Variants in LUZP2 observed in about 807,000 individuals in gnomAD.
LUZP2 encodes the protein leucine zipper protein 2.
A neutral mutation model predicts 51.6 loss-of-function variants in LUZP2; 52 were observed. The ratio of observed to expected loss-of-function variants is 1.01; its 90% CI spans 0.81 to 1.27. LUZP2 has a LOEUF of 1.27. Among genes scored for constraint, LUZP2 ranks in the 50% most tolerant of loss-of-function variants. The probability of loss-of-function intolerance (pLI) is 0.00; values close to 1 mark genes in which losing one functional copy is unlikely to be tolerated. For synonymous variants in LUZP2, 154 were observed against 137.3 expected (o/e 1.12, Z -0.85); for missense variants, 436 against 395.4 (o/e 1.10, Z -0.87).
At chr11:24,712,225 A>G (rs1857854972) in intron 1 of LUZP2, among the ~76,000 whole-genome samples, 1 of 152,050 alleles carries the variant, frequency 6.6e-6, no homozygotes, top group African/African-American at 2.4e-5. Context: ...GTTCAAGACA[A>G]GCTTGGGCAA....
chr11:24,779,461 A>G (rs949198001), intron 5 of LUZP2, among the ~76,000 whole-genome samples: 7 of 152,194 alleles, frequency 4.6e-5, no homozygotes, highest in African/African-American at 1.7e-4. Context: ...AGAAACATCA[A>G]TACTGACCAC....
chr11:24,992,259 A>G (rs1856371545), intron 9 of LUZP2, among the ~76,000 whole-genome samples: 1 of 152,070 alleles, frequency 6.6e-6, no homozygotes, highest in Non-Finnish European at 1.5e-5. Flanking sequence ...GAATACTTAA[A>G]TTGAACTACT....
rs150530185 is a variant in LUZP2, at chr11:24,526,661, T to C, written c.62+29356T>C. 2.0e-3 allele frequency among the ~76,000 whole-genome samples: 297 copies of C among 151,516 alleles called. 2 individuals carry two copies. The highest frequency in any genetic ancestry group is 6.6e-3 in the African/African-American group (274 of 41,474). On this transcript the variant is annotated intron_variant, in intron 1 of 11. Transcript: ENST00000336930. ...TGTAATATGTGCTAGTGCTTGACAG[T>C]TACTATAATATATTAAATGCTCACG...
At chr11:25,035,295 A>ACTT (rs1428638298) in intron 9 of LUZP2, among the ~76,000 whole-genome samples, 1 of 152,112 alleles carries the variant, frequency 6.6e-6, no homozygotes, top group African/African-American at 2.4e-5. Context: ...TCATAAAAAA[A>ACTT]ACTTCCAAAA....
intron 1 of LUZP2, among the ~76,000 whole-genome samples, chr11:24,526,079 C>A (rs771126686): frequency 7.3e-5 from 11 of 151,188 alleles, no homozygotes; most frequent in Non-Finnish European, 1.6e-4. Context: ...TTTGTTCATT[C>A]ATTCTTTCTT....
At chr11:24,962,376 A>T (rs1301022023) in intron 7 of LUZP2, among the ~76,000 whole-genome samples, 1 of 152,124 alleles carries the variant, frequency 6.6e-6, no homozygotes, top group Non-Finnish European at 1.5e-5. Context: ...ACTTGGTTCC[A>T]TTCTCCCCAT....
chr11:24,898,952 A>AC (rs1193773316), intron 5 of LUZP2, among the ~76,000 whole-genome samples: 1 of 151,580 alleles, frequency 6.6e-6, no homozygotes, highest in African/African-American at 2.4e-5. Flanking sequence ...AAACAAACAA[A>AC]AGATTCTTTT....
At chr11:24,621,168 A>G (rs1016462637) in intron 1 of LUZP2, among the ~76,000 whole-genome samples, 3 of 152,244 alleles carry the variant, frequency 2.0e-5, no homozygotes, top group Non-Finnish European at 4.4e-5. Flanking sequence ...AAATGAATGC[A>G]TAAGCAAAAT....
rs372971957 is a variant in LUZP2 at position 24,787,201 on chromosome 11, T to C, written c.396+23893T>C. Among the ~76,000 whole-genome samples the C allele has an allele frequency of 1.2e-4, 18 of 152,280 alleles. No homozygotes were observed. The East Asian group carries it at 1.7e-3, about 15-fold the overall frequency. On this transcript the variant is annotated intron_variant, in intron 5 of 11. Coordinates refer to ENST00000336930, the MANE Select transcript of LUZP2 (RefSeq NM_001009909.4). ...AAGCTTATTTAAATGTTTCAAATCA[T>C]CTAGAGCCTGAAGCTGAACATTGAA...
intron 5 of LUZP2, among the ~76,000 whole-genome samples, chr11:24,814,557 G>C (rs1850116066): frequency 6.6e-6 from 1 of 152,144 alleles, no homozygotes; most frequent in Non-Finnish European, 1.5e-5. Flanking sequence ...TACTTCTAGA[G>C]AAAGTCCTTC....
chr11:24,728,622 A>G (rs1305274772), intron 1 of LUZP2, among the ~76,000 whole-genome samples: 1 of 152,020 alleles, frequency 6.6e-6, no homozygotes, highest in Non-Finnish European at 1.5e-5. Flanking sequence ...AATAATGCCC[A>G]AATTCCCAAT....
At chr11:24,765,463 T>C (rs949734739) in intron 5 of LUZP2, among the ~76,000 whole-genome samples, 1 of 152,144 alleles carries the variant, frequency 6.6e-6, no homozygotes, top group African/African-American at 2.4e-5. Context: ...GTTTTTATCA[T>C]AAAGGGATCC....
intron 9 of LUZP2, among the ~76,000 whole-genome samples, chr11:25,003,267 A>G (rs995467882): frequency 6.6e-6 from 1 of 152,200 alleles, no homozygotes; most frequent in Non-Finnish European, 1.5e-5. Context: ...GCCTGACCAA[A>G]CATGAGGGCT....
chr11:25,039,841 G>C (rs1279214479), intron 9 of LUZP2, among the ~76,000 whole-genome samples: 1 of 152,162 alleles, frequency 6.6e-6, no homozygotes, highest in African/African-American at 2.4e-5. Flanking sequence ...GGCAGGTAGA[G>C]CAAGGACAAG....
At chr11:25,069,148 T>A (rs181445249) in intron 10 of LUZP2, among the ~76,000 whole-genome samples, 260 of 152,058 alleles carry the variant, frequency 1.7e-3, no homozygotes, top group African/African-American at 5.9e-3. Flanking sequence ...TACCTGAGAC[T>A]GCAACATGTG....
At chr11:25,001,215 T>C (rs1856673348) in intron 9 of LUZP2, among the ~76,000 whole-genome samples, 1 of 152,234 alleles carries the variant, frequency 6.6e-6, no homozygotes, top group Non-Finnish European at 1.5e-5. Flanking sequence ...TGAGAATTGG[T>C]ATAGATGGCT....
chr11:24,899,304 G>A (rs1853196855), intron 5 of LUZP2, among the ~76,000 whole-genome samples: 1 of 151,654 alleles, frequency 6.6e-6, no homozygotes, highest in Non-Finnish European at 1.5e-5. Context: ...GTGATCTTTT[G>A]TTTCAAATGT....
intron 1 of LUZP2, among the ~76,000 whole-genome samples, chr11:24,574,882 A>C (rs1160479862): frequency 6.6e-6 from 1 of 152,118 alleles, no homozygotes; most frequent in African/African-American, 2.4e-5. Flanking sequence ...GGGAAGAGAA[A>C]TAATTTAAAA....
intron 1 of LUZP2, among the ~76,000 whole-genome samples, chr11:24,707,309 T>C (rs1420765414): frequency 1.3e-5 from 2 of 149,668 alleles, no homozygotes; most frequent in East Asian, 3.9e-4. Flanking sequence ...TGTGTGTGCG[T>C]GTGTGTGTGT....
Sources: allele counts gnomAD v4.1 joint callset (sites outside exome capture counted in the v4.1 genomes callset), GRCh38; gene constraint gnomAD v4.1.1; transcripts MANE v1.5; gene names NCBI Gene and HGNC (gene_info 2026-07-23, HGNC 2026-07-21).